The following PAM variants were observed in gnomAD, a reference collection of about 807,000 sequenced individuals.
PAM encodes peptidylglycine alpha-amidating monooxygenase.
A neutral mutation model predicts 122.1 loss-of-function variants in PAM; 72 were observed. The ratio of observed to expected loss-of-function variants is 0.59; its 90% CI spans 0.49 to 0.72. The LOEUF is 0.72. PAM is among the 30% of genes least tolerant of loss of function. The probability of loss-of-function intolerance (pLI) is 0.00; values close to 1 mark genes in which losing one functional copy is unlikely to be tolerated. For synonymous variants in PAM, 389 were observed against 404.4 expected, an observed-to-expected ratio of 0.96 and a Z score of 0.46; for missense variants, 1,106 against 1,183.7, an observed-to-expected ratio of 0.93 and a Z score of 0.96.
chr5:102,974,297 G>A lies in PAM; in HGVS notation c.1344G>A (p.Arg448=). ...CCAGAGAGGGTGCAGAACATGAGAG[G>A]GGTAATGCTATTCTTGTCAGAGACA... ...SDAREGAEHE[R]GNAILVRDRI... is the part of the protein sequence containing the mutation. Residue 448 remains arginine (R), a synonymous_variant, in exon 15 of 26, where the codon AGG becomes AGA. Coordinates refer to ENST00000438793, the MANE Select transcript of PAM (RefSeq NM_001177306.2). The A allele has an allele frequency of 6.2e-7, 1 of 1,613,972 alleles. No homozygotes were observed. Among genetic ancestry groups the A allele is most frequent in the African/African-American group, 1.3e-5 (1 of 75,012 alleles).
In PAM at chr5:102,990,404, A is replaced by T. The variant is rs776616073; in HGVS notation, c.1613+3A>T. 1.3e-6 allele frequency: 2 copies of T among 1,573,482 alleles called. No homozygotes were observed. The highest frequency in any genetic ancestry group is 1.7e-6 in the Non-Finnish European group (2 of 1,156,356). ...GGTGACCATGTCTGGGATGGAAAGT[A>T]AGTAATATTTTTTCTTCAATAAGCA... On this transcript the variant is annotated splice_donor_region_variant and intron_variant, in intron 16 of 25. Transcript: ENST00000438793.
Position 103,025,116 on chromosome 5 carries a change from C to A in PAM, c.2486-15C>A. 1 of 1,597,608 alleles carries A rather than the reference C, an allele frequency of 6.3e-7. No homozygotes were observed. Among genetic ancestry groups the A allele is most frequent in the Non-Finnish European group, 8.6e-7 (1 of 1,165,358 alleles). ...TTGAGTCAGTTGAATATTGTGAACT[C>A]TTCTTTCCCTGAAGAAGCCGAGGCA... On this transcript the variant is annotated splice_polypyrimidine_tract_variant and intron_variant, in intron 23 of 25. Transcript: ENST00000438793.
chr5:102,931,242 C>T (rs563870913), intron 7 of PAM, among the ~76,000 whole-genome samples: 1 of 152,260 alleles, frequency 6.6e-6, no homozygotes, highest in African/African-American at 2.4e-5. Context: ...TTTTTAGACA[C>T]AGAACTGTTT....
chr5:102,881,291 G>A (rs1349516000), intron 3 of PAM, among the ~76,000 whole-genome samples: 2 of 151,756 alleles, frequency 1.3e-5, no homozygotes, highest in Admixed American at 1.3e-4. Context: ...CAAAAGAAAA[G>A]TAAATTAGGA....
intron 5 of PAM, among the ~76,000 whole-genome samples, chr5:102,923,470 T>A (rs192738670): frequency 6.6e-6 from 1 of 152,324 alleles, no homozygotes; most frequent in Admixed American, 6.5e-5. Context: ...GTCTTCAAGC[T>A]TTTCAGATCT....
At position 103,019,814 on chromosome 5, in the gene PAM, A is replaced by C. The variant is rs1783051344; in HGVS notation, c.2456A>C (p.Lys819Thr). Reference protein sequence around the residue: ...TEKLEHRSVKKAGIEVQEIKE... With the variant: ...TEKLEHRSVKTAGIEVQEIKE... ...GAATTGGAACATCGATCAGTTAAAA[A>C]GGCTGGCATTGAGGTCCAGGAAATC... is the stretch of plus-strand genomic sequence containing the variant. Residue 819 changes from lysine (K) to threonine (T), a missense_variant, in exon 23 of 26, where the codon AAG becomes ACG. Physicochemically the swap from Lys to Thr is moderately conservative, Grantham distance 78 (BLOSUM62 -1). This residue lies in a region of PAM where 333 missense variants were observed against 335.6 expected (regional missense o/e 0.99). Transcript: ENST00000438793. 27 of 1,608,588 alleles carry C rather than the reference A, an allele frequency of 1.7e-5. No homozygotes were observed. Among genetic ancestry groups the C allele is most frequent in the Non-Finnish European group, 2.3e-5 (27 of 1,175,180 alleles).
chr5:102,919,208 T>C (rs1481788806), intron 5 of PAM, among the ~76,000 whole-genome samples: 1 of 152,114 alleles, frequency 6.6e-6, no homozygotes, highest in African/African-American at 2.4e-5. Flanking sequence ...TAAATGCCAC[T>C]ATCTCCACAG....
intron 12 of PAM, among the ~76,000 whole-genome samples, chr5:102,954,282 T>A (rs1346705705): frequency 6.7e-6 from 1 of 149,974 alleles, no homozygotes; most frequent in African/African-American, 2.5e-5. Flanking sequence ...AATATGTAGT[T>A]TTTTTTATCC....
At chr5:102,930,332 GC>G (rs1751042137) in intron 7 of PAM, among the ~76,000 whole-genome samples, 9 of 152,120 alleles carry the variant, frequency 5.9e-5, no homozygotes, top group Admixed American at 5.9e-4. Flanking sequence ...AGAGACAGGA[GC>G]GTACAAGTAT....
chr5:102,934,370 A>G (rs113780415), intron 7 of PAM, among the ~76,000 whole-genome samples: 6 of 152,222 alleles, frequency 3.9e-5, no homozygotes, highest in African/African-American at 1.2e-4. Flanking sequence ...CTTTCATTCC[A>G]GAGCACATAT....
chr5:103,000,542 A>T lies in PAM; in HGVS notation c.1614-2491A>T, dbSNP rs116727811. ...ATGGCAGCACCCTATTTCTGGTACC[A>T]ATTTCCTGTATTAGTTCCTTCTCAC... On this transcript the variant is annotated intron_variant, in intron 16 of 25. Coordinates refer to ENST00000438793, the MANE Select transcript of PAM (RefSeq NM_001177306.2). Among the ~76,000 whole-genome samples, 1,013 of 152,248 alleles carry T rather than the reference A, an allele frequency of 6.7e-3. 8 individuals carry two copies. The highest frequency in any genetic ancestry group is 0.012 in the Non-Finnish European group (844 of 68,016).
At chr5:102,978,056 CATGTT>C (rs1487847121) in intron 15 of PAM, among the ~76,000 whole-genome samples, 1 of 152,118 alleles carries the variant, frequency 6.6e-6, no homozygotes, top group Non-Finnish European at 1.5e-5. Context: ...CCATTACTGT[CATGTT>C]ATGTTAGATT....
intron 15 of PAM, 44 bp from the exon 16 acceptor site, chr5:102,990,228 T>C: frequency 7.0e-7 from 1 of 1,432,564 alleles, no homozygotes; most frequent in Non-Finnish European, 9.3e-7. Flanking sequence ...ATGAGGCAAT[T>C]CGACCTTTCC....
intron 12 of PAM, among the ~76,000 whole-genome samples, chr5:102,957,552 G>A (rs573011214): frequency 5.8e-4 from 87 of 150,784 alleles, no homozygotes; most frequent in African/African-American, 2.1e-3. Context: ...TTTTTGAGAC[G>A]GAGTCTCAGT....
intron 1 of PAM, among the ~76,000 whole-genome samples, chr5:102,825,779 A>G (rs1287689933): frequency 6.6e-6 from 1 of 152,202 alleles, no homozygotes; most frequent in Non-Finnish European, 1.5e-5. Flanking sequence ...CCCGGAAGTT[A>G]AAGGCTACAA....
chr5:102,856,723 A>G (rs576783511), intron 1 of PAM, among the ~76,000 whole-genome samples: 30 of 152,326 alleles, frequency 2.0e-4, no homozygotes, highest in Non-Finnish European at 3.7e-4. Context: ...AAAATTTTTT[A>G]CTTTTGGCAA....
chr5:102,865,695 C>G (rs1461406641), intron 1 of PAM, 128 bp from the exon 2 acceptor site: 2 of 152,930 alleles, frequency 1.3e-5, no homozygotes, highest in Admixed American at 6.5e-5. Context: ...CTCAACAGAC[C>G]AGCATTTTCC....
intron 1 of PAM, among the ~76,000 whole-genome samples, chr5:102,854,484 T>G (rs1283781650): frequency 6.6e-6 from 1 of 152,148 alleles, no homozygotes; most frequent in Non-Finnish European, 1.5e-5. Flanking sequence ...GCCTCAACAA[T>G]GGAGAGAGAA....
intron 14 of PAM, among the ~76,000 whole-genome samples, chr5:102,973,571 A>G (rs1030938603): frequency 1.3e-5 from 2 of 152,232 alleles, no homozygotes; most frequent in African/African-American, 4.8e-5. Flanking sequence ...TAGAGCTTAC[A>G]GTAGCACTGC....
Sources: allele counts gnomAD v4.1 joint callset (sites outside exome capture counted in the v4.1 genomes callset), GRCh38; gene constraint gnomAD v4.1.1; regional missense constraint gnomAD v4.1.1; transcripts MANE v1.5; gene names NCBI Gene and HGNC (gene_info 2026-07-23, HGNC 2026-07-21).